EFCAB6: variants seen among roughly 807,000 people sequenced by gnomAD.
EFCAB6 encodes EF-hand calcium binding domain 6.
A neutral mutation model predicts 169.8 loss-of-function variants in EFCAB6; 156 were observed. That is an observed-to-expected ratio of 0.92 (90% CI 0.81 to 1.05). The LOEUF is 1.05. Ranked by LOEUF, EFCAB6 falls within the 50% of genes least tolerant of loss-of-function variation. The probability of loss-of-function intolerance (pLI) is 0.00; values close to 1 mark genes in which losing one functional copy is unlikely to be tolerated. For missense variants in EFCAB6, 1,800 were observed against 1,829.1 expected (o/e 0.98, Z 0.29); for synonymous variants, 698 against 676.4 (o/e 1.03, Z -0.50).
chr22:43,709,692 T>A (rs759418579), intron 10 of EFCAB6, among the ~76,000 whole-genome samples: 1 of 152,200 alleles, frequency 6.6e-6, no homozygotes, highest in Admixed American at 6.5e-5. Context: ...ATTTTTATTA[T>A]TGCTATTAAA....
At chr22:43,541,657 C>T (rs1229196898) in intron 27 of EFCAB6, among the ~76,000 whole-genome samples, 2 of 152,158 alleles carry the variant, frequency 1.3e-5, no homozygotes, top group Non-Finnish European at 1.5e-5. Context: ...TCAGACCTCA[C>T]CGGCACCAAG....
chr22:43,742,782 A>G (rs865897098), intron 6 of EFCAB6, among the ~76,000 whole-genome samples: 1 of 152,060 alleles, frequency 6.6e-6, no homozygotes, highest in African/African-American at 2.4e-5. Flanking sequence ...CGGCACCCCC[A>G]CTGCACCCCG....
chr22:43,665,959 C>T (rs185048322), intron 17 of EFCAB6, among the ~76,000 whole-genome samples: 9 of 152,194 alleles, frequency 5.9e-5, no homozygotes, highest in Admixed American at 2.0e-4. Flanking sequence ...GGCTAATTTT[C>T]GTATTTTTAG....
intron 9 of EFCAB6, among the ~76,000 whole-genome samples, chr22:43,712,554 T>C (rs1017605132): frequency 1.3e-5 from 2 of 152,218 alleles, no homozygotes; most frequent in African/African-American, 4.8e-5. Context: ...TTTAGAGATA[T>C]AAGTTCATTA....
intron 26 of EFCAB6, among the ~76,000 whole-genome samples, chr22:43,574,109 A>G (rs2050073460): frequency 6.6e-6 from 1 of 152,096 alleles, no homozygotes; most frequent in African/African-American, 2.4e-5. Flanking sequence ...CAAAGTGCTC[A>G]CTGTAAATTA....
At chr22:43,620,460 A>G (rs1308872881) in intron 20 of EFCAB6, among the ~76,000 whole-genome samples, 3 of 148,928 alleles carry the variant, frequency 2.0e-5, no homozygotes, top group Non-Finnish European at 4.5e-5. Flanking sequence ...AAGTGCTGAA[A>G]CAAAAGGAAT....
At chr22:43,773,815 C>A (rs113410479) in intron 3 of EFCAB6, among the ~76,000 whole-genome samples, 12,491 of 152,208 alleles carry the variant, frequency 0.082, 663 homozygotes, top group South Asian at 0.2. Context: ...CCATTGCACT[C>A]CAGCCTGGGC....
At chr22:43,709,778 C>T (rs1332798620) in intron 10 of EFCAB6, among the ~76,000 whole-genome samples, 1 of 152,082 alleles carries the variant, frequency 6.6e-6, no homozygotes, top group Non-Finnish European at 1.5e-5. Context: ...GAAAGTAATT[C>T]CTGAAAAATG....
chr22:43,766,868 AT>A (rs939278984), intron 4 of EFCAB6, among the ~76,000 whole-genome samples: 2 of 150,642 alleles, frequency 1.3e-5, no homozygotes, highest in Admixed American at 6.6e-5. Context: ...TATTTATTTA[AT>A]TTTTTTTTGA....
chr22:43,627,747 C>T (rs1287122739), intron 19 of EFCAB6, among the ~76,000 whole-genome samples: 1 of 152,138 alleles, frequency 6.6e-6, no homozygotes, highest in Non-Finnish European at 1.5e-5. Flanking sequence ...GCGCTTGTCC[C>T]CTCTTGTTAC....
Position 43,590,218 on chromosome 22 carries a change from A to C in EFCAB6, c.2888T>G (p.Met963Arg), listed in dbSNP as rs765070093. The C allele has an allele frequency of 3.7e-6, 6 of 1,613,774 alleles. No homozygotes were observed. Among genetic ancestry groups the C allele is most frequent in the Admixed American group, 1.7e-5 (1 of 59,970 alleles). Reference protein sequence around the residue: ...EKAVAARDKLMDRHQDISKAF... With the variant: ...EKAVAARDKLRDRHQDISKAF... The stretch of plus-strand genomic sequence containing the variant: ...TTTGCTGATATCTTGATGGCGGTCC[A>C]TAAGCTTATCCCTGAAAGAGAGTAC... The change falls in exon 24 of 32, where the codon ATG (methionine) becomes AGG (arginine). Residue 963 changes from methionine (M) to arginine (R), a missense_variant. Physicochemically the swap from Met to Arg is moderately conservative, Grantham distance 91 (BLOSUM62 -1). Coordinates refer to ENST00000262726, the MANE Select transcript of EFCAB6 (RefSeq NM_022785.4).
At chr22:43,748,764 G>A (rs747719321) in intron 6 of EFCAB6, among the ~76,000 whole-genome samples, 5 of 152,148 alleles carry the variant, frequency 3.3e-5, no homozygotes, top group South Asian at 2.1e-4. Context: ...AATGTTCTAC[G>A]TGTTACGGAA....
At chr22:43,717,971 T>C (rs2059391507) in intron 8 of EFCAB6, among the ~76,000 whole-genome samples, 2 of 152,204 alleles carry the variant, frequency 1.3e-5, no homozygotes, top group Non-Finnish European at 2.9e-5. Context: ...TTCTTTGCTA[T>C]ATATTGTTTC....
At chr22:43,753,998 A>G (rs915163942) in intron 6 of EFCAB6, among the ~76,000 whole-genome samples, 2 of 152,192 alleles carry the variant, frequency 1.3e-5, no homozygotes, top group Non-Finnish European at 2.9e-5. Flanking sequence ...AGTCTCCAAC[A>G]TTAGTGTGTG....
intron 17 of EFCAB6, among the ~76,000 whole-genome samples, chr22:43,654,762 C>T (rs192119259): frequency 3.3e-5 from 5 of 152,194 alleles, no homozygotes; most frequent in Admixed American, 6.5e-5. Context: ...GGTAAGGAAA[C>T]GTGAAGAAAC....
At chr22:43,785,073 C>A (rs1218193129) in intron 2 of EFCAB6, among the ~76,000 whole-genome samples, 2 of 152,030 alleles carry the variant, frequency 1.3e-5, no homozygotes, top group African/African-American at 4.8e-5. Context: ...GATACTTCAA[C>A]AATTATAGTT....
intron 29 of EFCAB6, chr22:43,535,621 G>A (rs377544890): frequency 1.3e-5 from 2 of 152,314 alleles, no homozygotes; most frequent in East Asian, 3.9e-4. Flanking sequence ...CACTTCTCTG[G>A]GAGTGACAAC....
intron 22 of EFCAB6, among the ~76,000 whole-genome samples, chr22:43,600,686 C>T (rs1299615315): frequency 7.9e-5 from 12 of 151,990 alleles, no homozygotes; most frequent in Admixed American, 7.9e-4. Context: ...GTTTTTGAGG[C>T]AGAGTCTCAC....
At chr22:43,632,464 T>TA (rs1193669815) in intron 18 of EFCAB6, among the ~76,000 whole-genome samples, 2 of 152,096 alleles carry the variant, frequency 1.3e-5, no homozygotes, top group African/African-American at 4.8e-5. Context: ...CACGCCTGGC[T>TA]AATTTTTGTA....
Sources: allele counts gnomAD v4.1 joint callset (sites outside exome capture counted in the v4.1 genomes callset), GRCh38; gene constraint gnomAD v4.1.1; transcripts MANE v1.5; gene names NCBI Gene and HGNC (gene_info 2026-07-23, HGNC 2026-07-21).